IL1RAPL2: variants seen among roughly 807,000 people sequenced by gnomAD.
The protein encoded by IL1RAPL2 is interleukin 1 receptor accessory protein like 2, also known as X-linked interleukin-1 receptor accessory protein-like 2.
A neutral mutation model predicts 44.1 loss-of-function variants in IL1RAPL2; 3 were observed. The ratio of observed to expected loss-of-function variants is 0.07; its 90% CI spans 0.03 to 0.18. IL1RAPL2 has a LOEUF of 0.18. Among genes scored for constraint, IL1RAPL2 ranks in the 10% least tolerant of loss-of-function variants. The pLI, the probability that IL1RAPL2 is intolerant of heterozygous loss-of-function variation, is 1.00. For missense variants in IL1RAPL2, 391 were observed against 496.4 expected, an observed-to-expected ratio of 0.79 and a Z score of 2.02; for synonymous variants, 181 against 178.8, an observed-to-expected ratio of 1.01 and a Z score of -0.10.
chrX:104,600,247 T>C (rs1928855523), intron 1 of IL1RAPL2, among the ~76,000 whole-genome samples: 1 of 111,979 alleles, frequency 8.9e-6, no homozygotes, highest in Non-Finnish European at 1.9e-5. Flanking sequence ...CTTTGACATG[T>C]AACCTAACAA....
At chrX:105,076,372 C>A (rs1232775244) in intron 2 of IL1RAPL2, among the ~76,000 whole-genome samples, 2 of 111,666 alleles carry the variant, frequency 1.8e-5, no homozygotes, top group African/African-American at 6.5e-5. Context: ...TTTCTTAATC[C>A]TGAGTTCTAG....
chrX:104,674,751 A>G (rs1930706793), intron 2 of IL1RAPL2, among the ~76,000 whole-genome samples: 1 of 110,132 alleles, frequency 9.1e-6, no homozygotes, highest in Non-Finnish European at 1.9e-5. Flanking sequence ...TTGGTAAGCT[A>G]TTGATTATTG....
At chrX:105,391,530 C>T (rs1246559688) in intron 5 of IL1RAPL2, among the ~76,000 whole-genome samples, 1 of 93,398 alleles carries the variant, frequency 1.1e-5, no homozygotes, top group Non-Finnish European at 2.1e-5. Context: ...AATAGGAACA[C>T]TTTTACACTG....
At chrX:105,037,370 C>T (rs976203575) in intron 2 of IL1RAPL2, among the ~76,000 whole-genome samples, 3 of 109,786 alleles carry the variant, frequency 2.7e-5, no homozygotes, top group African/African-American at 1.0e-4. Flanking sequence ...ATTCTTGTCA[C>T]GGAAAAGATA....
At chrX:104,851,190 A>C (rs1922215393) in intron 2 of IL1RAPL2, among the ~76,000 whole-genome samples, 1 of 111,611 alleles carries the variant, frequency 9.0e-6, no homozygotes, top group African/African-American at 3.3e-5. Flanking sequence ...TTAGAAACAA[A>C]TAAGGTAAAA....
At chrX:104,846,196 A>G (rs1476511882) in intron 2 of IL1RAPL2, among the ~76,000 whole-genome samples, 1 of 110,976 alleles carries the variant, frequency 9.0e-6, no homozygotes, top group Non-Finnish European at 1.9e-5. Flanking sequence ...AGTTTGTAGG[A>G]TAGTTTTTTT....
At chrX:104,918,287 G>A (rs945893617) in intron 2 of IL1RAPL2, among the ~76,000 whole-genome samples, 3 of 111,393 alleles carry the variant, frequency 2.7e-5, no homozygotes, top group African/African-American at 9.8e-5. Flanking sequence ...TCTGTCTCAT[G>A]ACCAGAGATC....
intron 2 of IL1RAPL2, among the ~76,000 whole-genome samples, chrX:104,918,045 C>T (rs1000823966): frequency 1.8e-5 from 2 of 111,701 alleles, no homozygotes; most frequent in Admixed American, 9.5e-5. Context: ...ATTTATGTAA[C>T]GTTTGTTAAA....
intron 5 of IL1RAPL2, among the ~76,000 whole-genome samples, chrX:105,324,725 C>A (rs1412037735): frequency 8.9e-6 from 1 of 112,149 alleles, no homozygotes; most frequent in Admixed American, 9.5e-5. Flanking sequence ...AAGAAAGGGC[C>A]TGAGTCTAGG....
chrX:104,661,148 G>T (rs987696439), intron 2 of IL1RAPL2, among the ~76,000 whole-genome samples: 2 of 111,195 alleles, frequency 1.8e-5, no homozygotes, highest in Admixed American at 9.7e-5. Flanking sequence ...CAGCTTCATT[G>T]AAGAAACATT....
At chrX:105,477,962 T>G (rs981263462) in intron 5 of IL1RAPL2, among the ~76,000 whole-genome samples, 15 of 111,109 alleles carry the variant, frequency 1.4e-4, no homozygotes, top group Non-Finnish European at 2.5e-4. Flanking sequence ...ATTAATAAAA[T>G]TGTGTTTTAT....
chrX:105,522,232 A>G (rs1482362211), intron 6 of IL1RAPL2, among the ~76,000 whole-genome samples: 1 of 112,194 alleles, frequency 8.9e-6, no homozygotes, highest in Non-Finnish European at 1.9e-5. Flanking sequence ...GACATAAAGT[A>G]TATCTGCATC....
intron 2 of IL1RAPL2, among the ~76,000 whole-genome samples, chrX:105,001,135 C>A (rs1162679300): frequency 1.8e-5 from 2 of 111,455 alleles, no homozygotes; most frequent in Non-Finnish European, 3.8e-5. Flanking sequence ...ACTTGCTTTC[C>A]TTATCTTGTG....
chrX:105,270,816 C>T (rs1392259361), intron 5 of IL1RAPL2, among the ~76,000 whole-genome samples: 1 of 111,679 alleles, frequency 9.0e-6, no homozygotes, highest in African/African-American at 3.2e-5. Flanking sequence ...ACCACTCATA[C>T]TTGTTTTGGG....
chrX:104,585,264 TAATATATTA>T (rs1928496784), intron 1 of IL1RAPL2, among the ~76,000 whole-genome samples: 1 of 24,646 alleles, frequency 4.1e-5, no homozygotes, highest in African/African-American at 2.5e-4. Context: ...AATATATATA[TAATATATTA>T]TATATATTAT....
intron 3 of IL1RAPL2, among the ~76,000 whole-genome samples, chrX:105,232,860 T>G (rs2034083417): frequency 8.9e-6 from 1 of 112,133 alleles, no homozygotes; most frequent in African/African-American, 3.2e-5. Context: ...TATGATAACA[T>G]TCTGTGTTGA....
chrX:104,697,732 C>T (rs1931205175), intron 2 of IL1RAPL2, among the ~76,000 whole-genome samples: 1 of 112,031 alleles, frequency 8.9e-6, no homozygotes, highest in African/African-American at 3.2e-5. Context: ...GATGATTGAA[C>T]TCTGGGCTGT....
chrX:105,380,231 A>C (rs1395960344), intron 5 of IL1RAPL2, among the ~76,000 whole-genome samples: 1 of 111,554 alleles, frequency 9.0e-6, no homozygotes, highest in Non-Finnish European at 1.9e-5. Flanking sequence ...AATGCAGTTG[A>C]TCTGGGAGAT....
At chrX:105,580,090 T>C (rs2037078329) in intron 6 of IL1RAPL2, among the ~76,000 whole-genome samples, 1 of 111,749 alleles carries the variant, frequency 8.9e-6, no homozygotes, top group Non-Finnish European at 1.9e-5. Context: ...CACTCCACAC[T>C]CAGTAGATGT....
Sources: gnomAD v4.1 joint callset for allele counts (sites outside exome capture counted in the v4.1 genomes callset) on GRCh38, gnomAD v4.1.1 for gene constraint, MANE v1.5 for transcripts, NCBI Gene and HGNC (gene_info 2026-07-23, HGNC 2026-07-21) for gene names.